Variants in GIGYF1 observed in about 807,000 individuals in gnomAD.
GIGYF1 encodes GRB10 interacting GYF protein 1.
Under a neutral mutation model 147.1 loss-of-function variants are expected in GIGYF1, and 84 were observed. That is an observed-to-expected ratio of 0.57 (90% confidence interval 0.48 to 0.68). GIGYF1 has a LOEUF of 0.68. GIGYF1 is among the 30% of genes least tolerant of loss of function. GIGYF1 has a pLI of 0.00. For missense variants in GIGYF1, 1,485 were observed against 1,393.7 expected, an observed-to-expected ratio of 1.07 and a Z score of -1.04; for synonymous variants, 752 against 589.5, an observed-to-expected ratio of 1.28 and a Z score of -3.99.
Position 100,682,459 on chromosome 7 carries a change from C to T in GIGYF1, c.2624G>A (p.Gly875Asp). 3 of 1,612,942 alleles carry T rather than the reference C, an allele frequency of 1.9e-6. No homozygotes were observed. The highest frequency in any genetic ancestry group is 2.5e-6 in the Non-Finnish European group (3 of 1,179,978). The change falls in exon 24 of 27, where the codon GGT becomes GAT. Residue 875 changes from glycine (G) to aspartate (D), a missense_variant. Gly to Asp is a moderately conservative substitution (Grantham distance 94). Transcript: ENST00000678049. ...SLSDSYSHLSGRPIRKKTEEE... is the reference protein window; with the variant it reads ...SLSDSYSHLSDRPIRKKTEEE... ...CTCCGTCTTTTTGCGAATGGGCCGA[C>T]CCGATAGGTGGCTGTATGAGTCACT...
intron 1 of GIGYF1, among the ~76,000 whole-genome samples, chr7:100,690,969 G>C (rs1253116332): frequency 6.6e-6 from 1 of 151,824 alleles, no homozygotes; most frequent in Non-Finnish European, 1.5e-5. Flanking sequence ...ACAGGGGAGA[G>C]AGCAGGCCCA....
intron 6 of GIGYF1, 23 bp downstream of exon 6, chr7:100,687,765 C>G (rs754469594): frequency 6.2e-7 from 1 of 1,609,614 alleles, no homozygotes; most frequent in Non-Finnish European, 8.5e-7. Context: ...CTCCCGCAGC[C>G]TCAGCTCCTG....
intron 8 of GIGYF1, 35 bp downstream of exon 8, chr7:100,687,262 TG>T: frequency 6.3e-7 from 1 of 1,582,568 alleles, no homozygotes; most frequent in East Asian, 2.3e-5. Context: ...CTCCCTGGCC[TG>T]CCCGGCTCTG....
intron 12 of GIGYF1, 56 bp downstream of exon 12, chr7:100,685,918 G>A (rs1460644754): frequency 6.8e-7 from 1 of 1,467,090 alleles, no homozygotes. Flanking sequence ...GCCCGGCAAA[G>A]AACACCAGTG....
chr7:100,686,650 A>G lies in GIGYF1; in HGVS notation c.693T>C (p.Pro231=), dbSNP rs1157623523. Residue 231 remains proline, a splice_region_variant and synonymous_variant, in exon 10 of 27, where the codon CCT becomes CCC. Coordinates refer to ENST00000678049, the MANE Select transcript of GIGYF1 (RefSeq NM_001375765.1). ...AATGCTACCAGGCCCCAATCTCACC[A>G]GGGCTGGCGGAGCGCCAGCGGTCGC... ...RDGDRWRSAS[P]DGGPRSAGWR... 2 of 1,610,312 alleles carry G rather than the reference A, an allele frequency of 1.2e-6. No individual in the cohort carries two copies. The highest frequency in any genetic ancestry group is 1.7e-6 in the Non-Finnish European group (2 of 1,178,954).
intron 4 of GIGYF1, 27 bp from the exon 5 acceptor site, chr7:100,688,137 CAG>C (rs1432910820): frequency 3.1e-6 from 5 of 1,605,376 alleles, no homozygotes; most frequent in Non-Finnish European, 4.3e-6. Flanking sequence ...GAGAAGAAGA[CAG>C]AGGTCAGGGC....
At chr7:100,685,021 T>C (rs1299325623) in intron 14 of GIGYF1, 28 bp downstream of exon 14, 1 of 1,550,158 alleles carries the variant, frequency 6.5e-7, no homozygotes, top group East Asian at 2.4e-5. Context: ...GTGGGAAGGG[T>C]CCCTCCCGCT....
In GIGYF1 at chr7:100,688,096, G is replaced by A. The variant is rs1241073955; in HGVS notation, c.50C>T (p.Ser17Phe). ...TGGGGAGGCCACGCTGCCGCCCCCG[G>A]ACAGGGCCCTGAGCCTGGACACAAC... is the stretch of plus-strand genomic sequence containing the variant. ...NFGPEWLRAL[S>F]GGGSVASPPP... The change falls in exon 5 of 27, where the codon TCC becomes TTC. Residue 17 changes from serine to phenylalanine, a missense_variant. Coordinates refer to ENST00000678049, the MANE Select transcript of GIGYF1 (RefSeq NM_001375765.1). 6.2e-7 allele frequency: 1 copy of A among 1,609,028 alleles called. No individual in the cohort carries two copies. Among genetic ancestry groups the A allele is most frequent in the Non-Finnish European group, 8.5e-7 (1 of 1,177,422 alleles).
Position 100,679,812 on chromosome 7 carries a change from TC to T in GIGYF1, c.*1906del, listed in dbSNP as rs1322067708. The T allele has an allele frequency of 3.3e-5, 5 of 152,422 alleles. No individual in the cohort carries two copies. The highest frequency in any genetic ancestry group is 1.3e-4 in the Admixed American group (2 of 15,270). The allele number at this position is 152,422 out of a possible 1,614,324, so 9.4% of individuals were successfully genotyped here. A position where few individuals can be genotyped will look rare whatever the true frequency, so the allele number is the denominator to read the frequency against. On this transcript the variant is annotated 3_prime_UTR_variant, in exon 27 of 27. Coordinates refer to ENST00000678049, the MANE Select transcript of GIGYF1 (RefSeq NM_001375765.1). ...GGTGGGAGAGGGCTCCCCCTATACT[TC>T]CTCACAGGGTTAAGGCCTCTCCAGG...
Position 100,686,830 on chromosome 7 carries a change from GGAA to G in GIGYF1, c.524-14_524-12del, listed in dbSNP as rs1420151983. ...CAAAGCCACATCGTGCTGGGAGACG[GGAA>G]GACAGGGGCAGTTATTAGAAAGGCA... On this transcript the variant is annotated splice_polypyrimidine_tract_variant and intron_variant, in intron 9 of 26. Coordinates refer to ENST00000678049, the MANE Select transcript of GIGYF1 (RefSeq NM_001375765.1). 2 of 1,613,392 alleles carry G rather than the reference GGAA, an allele frequency of 1.2e-6. No individual in the cohort carries two copies. The highest frequency in any genetic ancestry group is 1.7e-6 in the Non-Finnish European group (2 of 1,179,640).
At chr7:100,684,932 A>G in intron 14 of GIGYF1, 38 bp from the exon 15 acceptor site, 1 of 1,601,524 alleles carries the variant, frequency 6.2e-7, no homozygotes. Flanking sequence ...TCAGCTGCCA[A>G]TCTCAGCAAC....
Position 100,686,075 on chromosome 7 carries a change from C to T in GIGYF1, c.953G>A (p.Gly318Asp), listed in dbSNP as rs1805304362. ...ASGAFLPLKK[G>D]PKEPIPEEQE... ...CTCCTCAGGAATGGGCTCCTTGGGG[C>T]CCTTCTGCATGGGGCCGGGGTGGGG... The change falls in exon 12 of 27, where the codon GGC (glycine) becomes GAC (aspartate). Residue 318 changes from glycine (G) to aspartate (D), a missense_variant. Transcript: ENST00000678049. 2 of 1,612,308 alleles carry T rather than the reference C, an allele frequency of 1.2e-6. No homozygotes were observed. Among genetic ancestry groups the T allele is most frequent in the Admixed American group, 1.7e-5 (1 of 59,968 alleles).
rs1422153212 is a variant in GIGYF1 at position 100,687,645 on chromosome 7, G to A, written c.262-29C>T. 2.6e-6 allele frequency: 4 copies of A among 1,567,030 alleles called. No individual in the cohort carries two copies. The African/African-American group carries it at 4.1e-5, about 16-fold the overall frequency. On this transcript the variant is annotated intron_variant, in intron 6 of 26. Coordinates refer to ENST00000678049, the MANE Select transcript of GIGYF1 (RefSeq NM_001375765.1). ...AGGAGGGAGCCAGGGGCGGGAGTGAGGACCCAGGCACCCAACCACCTCCAC... is the reference window on the plus strand; with the variant it reads ...AGGAGGGAGCCAGGGGCGGGAGTGAAGACCCAGGCACCCAACCACCTCCAC...
chr7:100,682,014 G>A (rs1804825338), intron 25 of GIGYF1, 21 bp from the exon 26 acceptor site: 6 of 1,609,704 alleles, frequency 3.7e-6, no homozygotes, highest in African/African-American at 1.3e-5. Context: ...GGAGAGGAGG[G>A]TGAAGGTCAG....
rs1351205226 is a variant in GIGYF1 at position 100,689,167 on chromosome 7, C to A, written c.-710G>T. On this transcript the variant is annotated 5_prime_UTR_variant, in exon 2 of 27. Coordinates refer to ENST00000678049, the MANE Select transcript of GIGYF1 (RefSeq NM_001375765.1). ...GCCACAGACGGGTACACGACAAGGA[C>A]TCCAGGCAGGCAAGCCTGAGCCAAG... The A allele has an allele frequency of 3.9e-5, 6 of 152,344 alleles. No individual in the cohort carries two copies. Among genetic ancestry groups the A allele is most frequent in the Admixed American group, 3.3e-4 (5 of 15,268 alleles). 9.4% of individuals were successfully genotyped at this position (152,344 alleles called of 1,614,324 possible). A position where few individuals can be genotyped will look rare whatever the true frequency, so the allele number is the denominator to read the frequency against.
rs1168387515 is a variant in GIGYF1, at chr7:100,682,309, GC to G, written c.2761+12del. On this transcript the variant is annotated intron_variant, in intron 24 of 26. Transcript: ENST00000678049. ...CCCAGGTCCCGCCCACCTCCTGGGAGCCGCTCGCCCACCGTCCAGGCTGCCC... is the reference window on the plus strand; with the variant it reads ...CCCAGGTCCCGCCCACCTCCTGGGAGCGCTCGCCCACCGTCCAGGCTGCCC... 6.2e-7 allele frequency: 1 copy of G among 1,610,192 alleles called. No homozygotes were observed. The highest frequency in any genetic ancestry group is 1.7e-5 in the Admixed American group (1 of 59,946).
At position 100,686,829 on chromosome 7, in the gene GIGYF1, G is replaced by A. The variant is rs200473450; in HGVS notation, c.524-10C>T. The A allele has an allele frequency of 2.5e-5, 40 of 1,613,310 alleles. No individual in the cohort carries two copies. The highest frequency in any genetic ancestry group is 2.2e-4 in the South Asian group (20 of 91,054). The stretch of plus-strand genomic sequence containing the variant: ...TCAAAGCCACATCGTGCTGGGAGAC[G>A]GGAAGACAGGGGCAGTTATTAGAAA... On this transcript the variant is annotated splice_polypyrimidine_tract_variant and intron_variant, in intron 9 of 26. Coordinates refer to ENST00000678049, the MANE Select transcript of GIGYF1 (RefSeq NM_001375765.1).
chr7:100,686,607 C>A, intron 10 of GIGYF1, 42 bp downstream of exon 10: 2 of 1,571,872 alleles, frequency 1.3e-6, no homozygotes, highest in South Asian at 2.3e-5. Context: ...ACAGTTCCTG[C>A]TCCCCACTGC....
rs886965920 is a variant in GIGYF1, at chr7:100,683,934, T to G, written c.1869-16A>C. Reference sequence around the variant, plus strand: ...GTCCCCGCCTCTGAGGAGCAAATTGTGGATTCTTAGGACCCCAAATCCATC... The same window carrying G: ...GTCCCCGCCTCTGAGGAGCAAATTGGGGATTCTTAGGACCCCAAATCCATC... On this transcript the variant is annotated splice_polypyrimidine_tract_variant and intron_variant, in intron 18 of 26. Coordinates refer to ENST00000678049, the MANE Select transcript of GIGYF1 (RefSeq NM_001375765.1). 6.4e-7 allele frequency: 1 copy of G among 1,558,922 alleles called. No homozygotes were observed.
Sources: gnomAD v4.1 joint callset for allele counts (sites outside exome capture counted in the v4.1 genomes callset) on GRCh38, gnomAD v4.1.1 for gene constraint, MANE v1.5 for transcripts, NCBI Gene and HGNC (gene_info 2026-07-23, HGNC 2026-07-21) for gene names.